The following BCL11A variants were observed in gnomAD, a reference collection of about 807,000 sequenced individuals.
BCL11A encodes BCL11 transcription factor A.
Under a neutral mutation model 55.9 loss-of-function variants are expected in BCL11A, and 2 were observed. The observed-to-expected ratio is 0.04, with a 90% CI of 0.01 to 0.11. The LOEUF (loss-of-function observed/expected upper bound fraction) is 0.11. Among genes scored for constraint, BCL11A ranks in the 10% least tolerant of loss-of-function variants. BCL11A has a pLI of 1.00. For synonymous variants in BCL11A, 465 were observed against 473.4 expected (o/e 0.98, Z 0.23); for missense variants, 817 against 1,137.1 (o/e 0.72, Z 4.05).
chr2:60,465,154 T>C (rs1481158811), intron 3 of BCL11A, among the ~76,000 whole-genome samples: 1 of 152,216 alleles, frequency 6.6e-6, no homozygotes, highest in Non-Finnish European at 1.5e-5. Flanking sequence ...CATATTATAT[T>C]ACAGTGCTCA....
chr2:60,495,403 A>G (rs1678888443), intron 2 of BCL11A, among the ~76,000 whole-genome samples: 3 of 152,206 alleles, frequency 2.0e-5, no homozygotes, highest in Admixed American at 2.0e-4. Context: ...GGAATCAGCT[A>G]TCTGCTCTTA....
In BCL11A at chr2:60,553,281, G is replaced by C. The variant is rs779126891; in HGVS notation, c.-11C>G. 5.7e-6 allele frequency: 9 copies of C among 1,572,796 alleles called. No individual in the cohort carries two copies. Among genetic ancestry groups the C allele is most frequent in the Non-Finnish European group, 6.9e-6 (8 of 1,166,904 alleles). ...CTTGCGGCGAGACATGGTGGGCTGC[G>C]GGGCGGGCGGCGGCGGCGGCGGCGG... On this transcript the variant is annotated 5_prime_UTR_variant, in exon 1 of 4. Coordinates refer to ENST00000642384, the MANE Select transcript of BCL11A (RefSeq NM_022893.4).
intron 1 of BCL11A, 57 bp downstream of exon 1, chr2:60,553,159 G>C: frequency 6.5e-7 from 1 of 1,539,654 alleles, no homozygotes; most frequent in Non-Finnish European, 8.8e-7. Flanking sequence ...TTTGCTTCTA[G>C]TCCTGCGCGC....
rs1262980438 is a variant in BCL11A at position 60,506,281 on chromosome 2, A to G, written c.386-37448T>C. Among the ~76,000 whole-genome samples, 3 of 152,242 alleles carry G rather than the reference A, an allele frequency of 2.0e-5. No homozygotes were observed. The East Asian group carries it at 5.8e-4, about 29-fold the overall frequency. ...GGCCTCCTCATTTAATTCTCTCTGC[A>G]TCAGAGGAAGAGTCACCTTCACAGG... On this transcript the variant is annotated intron_variant, in intron 2 of 3. Transcript: ENST00000642384.
At chr2:60,482,663 C>A (rs951838226) in intron 2 of BCL11A, among the ~76,000 whole-genome samples, 1 of 152,224 alleles carries the variant, frequency 6.6e-6, no homozygotes, top group Non-Finnish European at 1.5e-5. Context: ...CCTGAAAGCA[C>A]ACTGCATCCC....
chr2:60,527,067 T>A (rs1476552614), intron 2 of BCL11A: 1 of 152,218 alleles, frequency 6.6e-6, no homozygotes, highest in African/African-American at 2.4e-5. Context: ...CACCATTCGA[T>A]ATTTATTGTA....
At chr2:60,524,632 T>G (rs1335947423) in intron 2 of BCL11A, 1 of 152,158 alleles carries the variant, frequency 6.6e-6, no homozygotes, top group Non-Finnish European at 1.5e-5. Flanking sequence ...TTAAATAAAT[T>G]ACCTTTTTAT....
intron 2 of BCL11A, among the ~76,000 whole-genome samples, chr2:60,485,207 T>C (rs1384525210): frequency 4.6e-5 from 7 of 152,166 alleles, no homozygotes; most frequent in African/African-American, 1.7e-4. Flanking sequence ...CAGAGTGTAA[T>C]GGAAGTCTGG....
In BCL11A at chr2:60,459,964, G is replaced by A. The variant is rs1302180084; in HGVS notation, c.*440C>T. 5.6e-6 allele frequency: 6 copies of A among 1,063,594 alleles called. No homozygotes were observed. Among genetic ancestry groups the A allele is most frequent in the East Asian group, 1.0e-4 (2 of 19,522 alleles). 65.9% of individuals were successfully genotyped at this position (1,063,594 alleles called of 1,614,324 possible). A position where few individuals can be genotyped will look rare whatever the true frequency, so the allele number is the denominator to read the frequency against. On this transcript the variant is annotated 3_prime_UTR_variant, in exon 4 of 4. Coordinates refer to ENST00000642384, the MANE Select transcript of BCL11A (RefSeq NM_022893.4). Reference sequence around the variant, plus strand: ...TCTCTCTCTCTTTTTCTCTCAGAACGGAACTGGAAACAGCAACATGTTTGC... The same window carrying A: ...TCTCTCTCTCTTTTTCTCTCAGAACAGAACTGGAAACAGCAACATGTTTGC...
At chr2:60,502,132 T>C (rs908046209) in intron 2 of BCL11A, among the ~76,000 whole-genome samples, 1 of 152,154 alleles carries the variant, frequency 6.6e-6, no homozygotes, top group African/African-American at 2.4e-5. Context: ...GTTGTAACAA[T>C]GCAACTCAAG....
In BCL11A at chr2:60,509,208, C is replaced by T. The variant is rs865952181; in HGVS notation, c.385+36763G>A. ...TTTACTTGGTCTCAGCTTTGGCTGG[C>T]TTGGATGTTATGAGGATTCCAAGAA... On this transcript the variant is annotated intron_variant, in intron 2 of 3. Transcript: ENST00000642384. 9.8e-5 allele frequency among the ~76,000 whole-genome samples: 15 copies of T among 152,342 alleles called. No individual in the cohort carries two copies. In the Middle Eastern group the frequency reaches 0.01, roughly 104 times the overall value.
upstream of BCL11A, chr2:60,553,902 C>G (rs1670526896): frequency 5.4e-5 from 1 of 18,524 alleles, no homozygotes; most frequent in Non-Finnish European, 1.0e-4. Flanking sequence ...AGCGCCGCGG[C>G]GGTGGCGTGG....
intron 2 of BCL11A, among the ~76,000 whole-genome samples, chr2:60,509,019 T>G (rs1679820346): frequency 1.3e-5 from 2 of 152,242 alleles, no homozygotes; most frequent in Admixed American, 1.3e-4. Flanking sequence ...CTGTGATTGC[T>G]AAAGCCTAGA....
chr2:60,548,305 A>T (rs181024387), intron 1 of BCL11A, among the ~76,000 whole-genome samples: 2,221 of 150,320 alleles, frequency 0.015, 17 homozygotes, highest in African/African-American at 0.02. Flanking sequence ...AAAAAAAAAA[A>T]TTTTTTATTT....
chr2:60,499,275 G>A (rs925396484), intron 2 of BCL11A, among the ~76,000 whole-genome samples: 7 of 152,182 alleles, frequency 4.6e-5, no homozygotes, highest in Admixed American at 2.6e-4. Context: ...CCACAGAGCT[G>A]CAGGGGTGTG....
chr2:60,486,010 C>T (rs969839986), intron 2 of BCL11A, among the ~76,000 whole-genome samples: 7 of 150,762 alleles, frequency 4.6e-5, no homozygotes, highest in Non-Finnish European at 1.0e-4. Flanking sequence ...CCCCACCACA[C>T]GTACAAAAAA....
intron 2 of BCL11A, among the ~76,000 whole-genome samples, chr2:60,505,962 C>T (rs912702357): frequency 1.3e-5 from 2 of 152,228 alleles, no homozygotes; most frequent in African/African-American, 4.8e-5. Context: ...GTGGAGATGG[C>T]ATGGTGGCAT....
chr2:60,467,701 GGT>G (rs1299362695), intron 3 of BCL11A, among the ~76,000 whole-genome samples: 1 of 69,694 alleles, frequency 1.4e-5, no homozygotes, highest in Non-Finnish European at 2.8e-5. Flanking sequence ...TGGTGGTGAT[GGT>G]ACTGGTGGTG....
At chr2:60,491,117 A>T (rs1003256830) in intron 2 of BCL11A, among the ~76,000 whole-genome samples, 4 of 152,208 alleles carry the variant, frequency 2.6e-5, no homozygotes, top group African/African-American at 9.6e-5. Flanking sequence ...AAATGACAAC[A>T]TCTTCTATAT....
Sources: allele counts gnomAD v4.1 joint callset (sites outside exome capture counted in the v4.1 genomes callset), GRCh38; gene constraint gnomAD v4.1.1; transcripts MANE v1.5; gene names NCBI Gene and HGNC (gene_info 2026-07-23, HGNC 2026-07-21).